EZH2: variants seen among roughly 807,000 people sequenced by gnomAD.
EZH2 encodes histone-lysine N-methyltransferase EZH2.
EZH2 carries 18 observed loss-of-function variants against 98.4 expected under a neutral mutation model. That is an observed-to-expected ratio of 0.18 (90% CI 0.13 to 0.27). The LOEUF is 0.27. Ranked by LOEUF, EZH2 falls within the 10% of genes least tolerant of loss-of-function variation. EZH2 has a pLI of 1.00. For synonymous variants in EZH2, 338 were observed against 312.3 expected (o/e 1.08, Z -0.87); for missense variants, 470 against 935.1 (o/e 0.50, Z 6.49).
At chr7:148,819,568 T>G in intron 9 of EZH2, 28 bp downstream of exon 9, 1 of 1,587,850 alleles carries the variant, frequency 6.3e-7, no homozygotes, top group Non-Finnish European at 8.6e-7. Flanking sequence ...TCAAGTACCC[T>G]CTGCAATAAT....
intron 1 of EZH2, among the ~76,000 whole-genome samples, chr7:148,882,975 T>C (rs1664271801): frequency 6.6e-6 from 1 of 152,256 alleles, no homozygotes; most frequent in Non-Finnish European, 1.5e-5. Flanking sequence ...AAGAAACTGC[T>C]AACCGTATAA....
intron 3 of EZH2, among the ~76,000 whole-genome samples, chr7:148,834,747 C>G (rs948005953): frequency 3.3e-5 from 5 of 152,182 alleles, no homozygotes; most frequent in Admixed American, 1.3e-4. Flanking sequence ...TTTCCCCTTC[C>G]TGCTATTTGG....
At position 148,814,055 on chromosome 7, in the gene EZH2, A is replaced by G; in HGVS notation, c.1755T>C (p.Cys585=). ...CACAAGTAAGACAGAGGTCAGGGTCACACTCTCGGACAGCCAGGTAGCACG... is the reference window on the plus strand; with the variant it reads ...CACAAGTAAGACAGAGGTCAGGGTCGCACTCTCGGACAGCCAGGTAGCACG... The part of the protein sequence containing the change: ...QCPCYLAVRE[C]DPDLCLTCGA... The change falls in exon 15 of 20, where the codon TGT becomes TGC. Residue 585 remains cysteine (C), a synonymous_variant. Coordinates refer to ENST00000320356, the MANE Select transcript of EZH2 (RefSeq NM_004456.5). The G allele has an allele frequency of 3.1e-6, 5 of 1,614,178 alleles. No individual in the cohort carries two copies. Among genetic ancestry groups the G allele is most frequent in the East Asian group, 2.2e-5 (1 of 44,890 alleles).
intron 3 of EZH2, among the ~76,000 whole-genome samples, chr7:148,843,901 G>T (rs894239633): frequency 2.6e-5 from 4 of 152,112 alleles, no homozygotes; most frequent in Non-Finnish European, 5.9e-5. Flanking sequence ...GGCCAAATGG[G>T]AGTATAAGTT....
At chr7:148,845,183 G>A (rs950481927) in intron 3 of EZH2, among the ~76,000 whole-genome samples, 1 of 152,152 alleles carries the variant, frequency 6.6e-6, no homozygotes, top group Non-Finnish European at 1.5e-5. Flanking sequence ...TTCCTCCAGA[G>A]AGAAAATGAG....
In EZH2 at chr7:148,817,754, T is replaced by C. The variant is rs928765243; in HGVS notation, c.1240+123A>G. On this transcript the variant is annotated intron_variant, in intron 10 of 19. Transcript: ENST00000320356. Reference sequence around the variant, plus strand: ...ACAACACAGCTACACATTCTTGAGATAACTCTGGTCTTTATACTGAAACTA... The same window carrying C: ...ACAACACAGCTACACATTCTTGAGACAACTCTGGTCTTTATACTGAAACTA... The C allele has an allele frequency of 3.1e-6, 4 of 1,299,184 alleles. No individual in the cohort carries two copies. In the African/African-American group the frequency reaches 5.9e-5, roughly 19 times the overall value. 80.5% of individuals were successfully genotyped at this position (1,299,184 alleles called of 1,614,324 possible).
intron 4 of EZH2, 142 bp downstream of exon 4, chr7:148,832,492 T>C: frequency 1.8e-6 from 1 of 540,770 alleles, no homozygotes; most frequent in Admixed American, 2.8e-5. Flanking sequence ...CTTAATCAAT[T>C]TTTAAAAATT....
intron 3 of EZH2, chr7:148,836,821 C>T (rs1415384347): frequency 2.0e-6 from 1 of 497,092 alleles, no homozygotes. Context: ...GATAGACTTA[C>T]ATCAACCAGC....
intron 1 of EZH2, among the ~76,000 whole-genome samples, chr7:148,850,993 TTGAA>T (rs1002601135): frequency 6.6e-6 from 1 of 152,078 alleles, no homozygotes. Context: ...AGACTGCAGT[TTGAA>T]TGAGTAACTA....
intron 9 of EZH2, 87 bp from the exon 10 acceptor site, chr7:148,818,204 T>G: frequency 1.5e-6 from 2 of 1,376,430 alleles, no homozygotes; most frequent in South Asian, 1.6e-5. Context: ...TAAGCCAGGT[T>G]AGTCAAAAAA....
intron 8 of EZH2, among the ~76,000 whole-genome samples, chr7:148,822,140 A>C (rs186801557): frequency 6.6e-6 from 1 of 151,504 alleles, no homozygotes; most frequent in African/African-American, 2.4e-5. Flanking sequence ...AGCCTAAAAC[A>C]TACTAGAAAA....
intron 14 of EZH2, 135 bp downstream of exon 14, chr7:148,814,775 CAATA>C: frequency 2.8e-6 from 3 of 1,075,712 alleles, no homozygotes; most frequent in Non-Finnish European, 3.9e-6. Flanking sequence ...GTATGGGGCT[CAATA>C]AATACTTGTC....
chr7:148,841,705 T>C (rs1812499528), intron 3 of EZH2, among the ~76,000 whole-genome samples: 1 of 152,176 alleles, frequency 6.6e-6, no homozygotes, highest in South Asian at 2.1e-4. Flanking sequence ...AGGATATTAT[T>C]TTTTCTTTGT....
chr7:148,881,972 GCACACA>G (rs3059438), intron 1 of EZH2, among the ~76,000 whole-genome samples: 5,476 of 131,696 alleles, frequency 0.042, 182 homozygotes, highest in African/African-American at 0.094. Context: ...ACACGCGCGC[GCACACA>G]CACACACACA....
chr7:148,853,217 G>T (rs1181109528), intron 1 of EZH2, among the ~76,000 whole-genome samples: 1 of 152,152 alleles, frequency 6.6e-6, no homozygotes, highest in Non-Finnish European at 1.5e-5. Flanking sequence ...TTCGAGACCA[G>T]TCTGGCCAAC....
chr7:148,880,314 T>C (rs1380725692), intron 1 of EZH2, among the ~76,000 whole-genome samples: 1 of 152,206 alleles, frequency 6.6e-6, no homozygotes, highest in African/African-American at 2.4e-5. Context: ...AATTACACTG[T>C]CGCTACATCC....
chr7:148,852,731 T>C (rs1351662200), intron 1 of EZH2, among the ~76,000 whole-genome samples: 2 of 152,338 alleles, frequency 1.3e-5, no homozygotes, highest in East Asian at 3.9e-4. Context: ...TCTCATGACC[T>C]AAGCCCTAAG....
chr7:148,819,493 T>C (rs1314719246), intron 9 of EZH2, 103 bp downstream of exon 9: 7 of 879,318 alleles, frequency 8.0e-6, no homozygotes, highest in Non-Finnish European at 1.3e-5. Context: ...ATATGGCCCA[T>C]AACAGCATGG....
intron 1 of EZH2, among the ~76,000 whole-genome samples, chr7:148,862,011 G>A (rs1287134033): frequency 6.6e-6 from 1 of 152,088 alleles, no homozygotes; most frequent in Non-Finnish European, 1.5e-5. Flanking sequence ...GCCTTCTGAG[G>A]TCATTGTGGA....
Sources: gnomAD v4.1 joint callset for allele counts (sites outside exome capture counted in the v4.1 genomes callset) on GRCh38, gnomAD v4.1.1 for gene constraint, MANE v1.5 for transcripts, NCBI Gene and HGNC (gene_info 2026-07-23, HGNC 2026-07-21) for gene names.